Variants in GNL3L observed in about 807,000 individuals in gnomAD.
GNL3L encodes the protein G protein nucleolar 3 like, also known as guanine nucleotide-binding protein-like 3-like protein.
Under a neutral mutation model 42.9 loss-of-function variants are expected in GNL3L, and 4 were observed. The observed-to-expected ratio is 0.09, with a 90% CI of 0.05 to 0.21. The LOEUF is 0.21. GNL3L is among the 10% of genes least tolerant of loss of function. The pLI is 1.00. For synonymous variants in GNL3L, 159 were observed against 176.3 expected, an observed-to-expected ratio of 0.90 and a Z score of 0.78; for missense variants, 412 against 481.7, an observed-to-expected ratio of 0.86 and a Z score of 1.36.
chrX:54,630,565 AG>A, the GNL3L span, among the ~76,000 whole-genome samples: 1 of 109,461 alleles, frequency 9.1e-6, no homozygotes, highest in African/African-American at 3.3e-5. Flanking sequence ...CATGGTTTTG[AG>A]GGTTCTTTTT....
chrX:54,631,669 G>A, the GNL3L span, among the ~76,000 whole-genome samples: 1 of 111,399 alleles, frequency 9.0e-6, no homozygotes, highest in Non-Finnish European at 1.9e-5. Context: ...TATGTGTTAG[G>A]TGAGTCTCTT....
chrX:54,536,799 AC>A lies in GNL3L; in HGVS notation c.20-2240del, dbSNP rs1156864988. Among the ~76,000 whole-genome samples, 262 of 100,121 alleles carry A rather than the reference AC, an allele frequency of 2.6e-3. 2 individuals are homozygous for A. Among genetic ancestry groups the A allele is most frequent in the African/African-American group, 9.1e-3 (248 of 27,113 alleles). The allele number at this position is 100,121 out of a possible 115,157, so 86.9% of individuals were successfully genotyped here. On this transcript the variant is annotated intron_variant, in intron 2 of 15. Coordinates refer to ENST00000360845, the MANE Select transcript of GNL3L (RefSeq NM_001184819.2). ...GACTTTGTCTCAAAAAAAAAAAAAA[AC>A]AGAGAGAGAGAGGGAGGGAGGGAGG...
At chrX:54,642,769 C>T in the GNL3L span, among the ~76,000 whole-genome samples, 2 of 111,522 alleles carry the variant, frequency 1.8e-5, no homozygotes, top group Non-Finnish European at 3.8e-5. Context: ...TAGCCCTTGT[C>T]ACTGTTTGAA....
intron 14 of GNL3L, among the ~76,000 whole-genome samples, chrX:54,557,236 C>A (rs1328183129): frequency 9.2e-6 from 1 of 108,743 alleles, no homozygotes; most frequent in Non-Finnish European, 1.9e-5. Flanking sequence ...CATTGCCCCA[C>A]ACGGAGCTGG....
chrX:54,537,689 A>C (rs1159767910), intron 2 of GNL3L, among the ~76,000 whole-genome samples: 1 of 111,450 alleles, frequency 9.0e-6, no homozygotes, highest in Non-Finnish European at 1.9e-5. Context: ...CCTAGGGTCA[A>C]GTGATCCTCT....
At position 54,566,470 on chromosome X, in the gene GNL3L, C is replaced by T. The variant is rs192094478; in HGVS notation, c.*5868C>T. ...CAAAACTGTACTTATTAAACAATAACCTCCCAACCCCTTCTGCCCACAACC... is the reference window on the plus strand; with the variant it reads ...CAAAACTGTACTTATTAAACAATAATCTCCCAACCCCTTCTGCCCACAACC... On this transcript the variant is annotated 3_prime_UTR_variant, in exon 16 of 16. Transcript: ENST00000360845. 2.3e-3 allele frequency among the ~76,000 whole-genome samples: 252 copies of T among 111,852 alleles called. No individual in the cohort carries two copies. Among genetic ancestry groups the T allele is most frequent in the Middle Eastern group, 9.3e-3 (2 of 215 alleles).
At chrX:54,640,944 C>G in the GNL3L span, among the ~76,000 whole-genome samples, 3 of 112,068 alleles carry the variant, frequency 2.7e-5, no homozygotes, top group African/African-American at 6.5e-5. Flanking sequence ...TGAGCGGGTG[C>G]AGCTCAGGTT....
At chrX:54,569,641 TTG>T (rs1305594110), downstream of GNL3L, among the ~76,000 whole-genome samples, 1 of 112,136 alleles carries the variant, frequency 8.9e-6, no homozygotes, top group Non-Finnish European at 1.9e-5. Context: ...TATTAATAGT[TTG>T]TGCCTTTTTC....
the GNL3L span, among the ~76,000 whole-genome samples, chrX:54,631,509 T>G: frequency 8.9e-6 from 1 of 111,909 alleles, no homozygotes. Flanking sequence ...CCTTTTATCA[T>G]TATGTAATGT....
intron 2 of GNL3L, among the ~76,000 whole-genome samples, chrX:54,538,345 A>T (rs1924509631): frequency 9.0e-6 from 1 of 111,664 alleles, no homozygotes; most frequent in South Asian, 3.7e-4. Flanking sequence ...GAGCTTCCAG[A>T]AACTCCTGTC....
intron 9 of GNL3L, among the ~76,000 whole-genome samples, chrX:54,550,205 C>CGA (rs58576849): frequency 0.23 from 20,529 of 90,861 alleles, 2,437 homozygotes; most frequent in East Asian, 0.54. Flanking sequence ...TGGGAATGAC[C>CGA]GAGAGAGAGA....
intron 2 of GNL3L, among the ~76,000 whole-genome samples, chrX:54,533,815 A>G (rs1363030328): frequency 9.0e-6 from 1 of 110,836 alleles, no homozygotes; most frequent in Non-Finnish European, 1.9e-5. Flanking sequence ...TACTTTATTT[A>G]GGAACATCTA....
Position 54,564,023 on chromosome X carries a change from C to T in GNL3L, c.*3421C>T, listed in dbSNP as rs1389452341. 9.2e-6 allele frequency among the ~76,000 whole-genome samples: 1 copy of T among 109,158 alleles called. No homozygotes were observed. Among genetic ancestry groups the T allele is most frequent in the East Asian group, 2.9e-4 (1 of 3,499 alleles). The allele number at this position is 109,158 out of a possible 115,157, so 94.8% of individuals were successfully genotyped here. The stretch of plus-strand genomic sequence containing the variant: ...CCACAATCGAAATATAGTTGCATCA[C>T]CCCCCTAAAACTCTCCAGGCCCTTT... On this transcript the variant is annotated 3_prime_UTR_variant, in exon 16 of 16. Transcript: ENST00000360845.
chrX:54,641,099 C>G, the GNL3L span, among the ~76,000 whole-genome samples: 1 of 111,001 alleles, frequency 9.0e-6, no homozygotes, highest in Non-Finnish European at 1.9e-5. Flanking sequence ...AGGGAGGTAT[C>G]CAGGAGACAG....
chrX:54,596,648 G>T (rs998131062), intron 16 of GNL3L, among the ~76,000 whole-genome samples: 2 of 112,242 alleles, frequency 1.8e-5, no homozygotes, highest in African/African-American at 6.5e-5. Context: ...AGGGTAGTGA[G>T]TTACCCCAGG....
rs776315339 is a variant in GNL3L, at chrX:54,554,640, C to T, written c.1394C>T (p.Ser465Phe). The T allele has an allele frequency of 8.3e-7, 1 of 1,203,375 alleles. No homozygotes were observed. Among genetic ancestry groups the T allele is most frequent in the Admixed American group, 2.2e-5 (1 of 45,947 alleles). The part of the protein sequence containing the change: ...PLEMEIKLLH[S>F]PMTKIADAIE... ...GAAATGGAGATCAAGTTGCTCCATT[C>T]TCCGATGACGAAAATAGCAGATGCC... Residue 465 changes from serine to phenylalanine, a missense_variant, in exon 14 of 16, where the codon TCT becomes TTT. Ser to Phe is a radical substitution (Grantham distance 155). Coordinates refer to ENST00000360845, the MANE Select transcript of GNL3L (RefSeq NM_001184819.2).
chrX:54,579,983 TTTG>T (rs1925686122), intron 16 of GNL3L, among the ~76,000 whole-genome samples: 2 of 87,442 alleles, frequency 2.3e-5, no homozygotes, highest in African/African-American at 1.1e-4. Context: ...TGGCCTAAAG[TTTG>T]TTTTTTTTTT....
At chrX:54,594,269 A>G (rs1925904812) in intron 16 of GNL3L, among the ~76,000 whole-genome samples, 2 of 111,371 alleles carry the variant, frequency 1.8e-5, no homozygotes, top group South Asian at 3.7e-4. Flanking sequence ...TATTTGCTTT[A>G]TATATCTGAA....
intron 16 of GNL3L, among the ~76,000 whole-genome samples, chrX:54,590,229 C>T (rs1041367323): frequency 1.8e-4 from 20 of 112,143 alleles, no homozygotes; most frequent in African/African-American, 6.1e-4. Flanking sequence ...TGAGCCACCG[C>T]GCCTAGCCCA....
Sources: allele counts gnomAD v4.1 joint callset (sites outside exome capture counted in the v4.1 genomes callset), GRCh38; gene constraint gnomAD v4.1.1; transcripts MANE v1.5; gene names NCBI Gene and HGNC (gene_info 2026-07-23, HGNC 2026-07-21).